PCDH11X: variants seen among roughly 807,000 people sequenced by gnomAD.
PCDH11X encodes the protein protocadherin 11 X-linked.
In PCDH11X, 18 loss-of-function variants were observed where a neutral mutation model predicts 53.3. The ratio of observed to expected loss-of-function variants is 0.34; its 90% CI spans 0.23 to 0.50. The LOEUF is 0.50. PCDH11X is among the 20% of genes least tolerant of loss of function. The pLI is 0.98. For synonymous variants in PCDH11X, 279 were observed against 393.3 expected (o/e 0.71, Z 3.44); for missense variants, 570 against 1,032.4 (o/e 0.55, Z 6.14).
chrX:92,225,113 T>C (rs1237345021), intron 7 of PCDH11X, among the ~76,000 whole-genome samples: 3 of 111,931 alleles, frequency 2.7e-5, no homozygotes, highest in Non-Finnish European at 5.6e-5. Context: ...ACATGTCAAA[T>C]ACACATTTTT....
intron 6 of PCDH11X, among the ~76,000 whole-genome samples, chrX:92,067,617 T>TAG (rs2063632732): frequency 9.0e-6 from 1 of 111,579 alleles, no homozygotes; most frequent in African/African-American, 3.3e-5. Flanking sequence ...TGTAGTTTCC[T>TAG]TTTTTTGATA....
At chrX:92,495,708 G>T (rs922663713) in intron 10 of PCDH11X, among the ~76,000 whole-genome samples, 5 of 107,761 alleles carry the variant, frequency 4.6e-5, no homozygotes, top group African/African-American at 1.4e-4. Flanking sequence ...TCACATGGCT[G>T]AGGAGGCCTC....
intron 10 of PCDH11X, among the ~76,000 whole-genome samples, chrX:92,526,614 C>G (rs1229013378): frequency 9.1e-6 from 1 of 109,350 alleles, no homozygotes; most frequent in Non-Finnish European, 1.9e-5. Context: ...GGCTTTTATC[C>G]AAAAGGCAGG....
chrX:92,496,497 G>A (rs1221753106), intron 10 of PCDH11X, among the ~76,000 whole-genome samples: 1 of 106,257 alleles, frequency 9.4e-6, no homozygotes, highest in Non-Finnish European at 1.9e-5. Context: ...ATCATTCCTA[G>A]CAGCTAGCAA....
intron 10 of PCDH11X, among the ~76,000 whole-genome samples, chrX:92,491,002 C>T (rs1348330944): frequency 9.2e-6 from 1 of 108,886 alleles, no homozygotes; most frequent in Non-Finnish European, 1.9e-5. Context: ...AAACAAGGCA[C>T]ATACTTAAGC....
At chrX:91,823,778 T>C (rs1174186405) in intron 4 of PCDH11X, among the ~76,000 whole-genome samples, 1 of 111,743 alleles carries the variant, frequency 8.9e-6, no homozygotes, top group Admixed American at 9.6e-5. Flanking sequence ...CTCGATAGTC[T>C]TTACATTTTG....
At chrX:91,780,115 G>T (rs1224913845) in intron 1 of PCDH11X, among the ~76,000 whole-genome samples, 2 of 112,021 alleles carry the variant, frequency 1.8e-5, no homozygotes, top group East Asian at 2.8e-4. Context: ...CCGGCTGAGA[G>T]ATTGGAGCTG....
Position 91,808,042 on chromosome X carries a change from C to A in PCDH11X, c.-378-1424C>A, listed in dbSNP as rs755966910. Among the ~76,000 whole-genome samples the A allele has an allele frequency of 2.4e-3, 269 of 110,584 alleles. 1 individual carries two copies. The highest frequency in any genetic ancestry group is 8.4e-3 in the African/African-American group (257 of 30,428). On this transcript the variant is annotated intron_variant, in intron 1 of 10. Coordinates refer to ENST00000682573, the MANE Select transcript of PCDH11X (RefSeq NM_032968.5). ...TTTATTTAAAATTTATTTACTCAAA[C>A]TATGGAAACATTATTCAATTCTTCC...
rs1053068148 is a variant in PCDH11X at position 91,916,545 on chromosome X, T to A, written c.3033+37272T>A. Among the ~76,000 whole-genome samples, 20 of 111,268 alleles carry A rather than the reference T, an allele frequency of 1.8e-4. No individual in the cohort carries two copies. In the South Asian group the frequency reaches 4.5e-3, roughly 25 times the overall value. On this transcript the variant is annotated intron_variant, in intron 6 of 10. Coordinates refer to ENST00000682573, the MANE Select transcript of PCDH11X (RefSeq NM_032968.5). ...TCATTCAAGGTTACTATGAACGCATTTTTGTACAAAAACTAGGAAATCTAG... is the reference window on the plus strand; with the variant it reads ...TCATTCAAGGTTACTATGAACGCATATTTGTACAAAAACTAGGAAATCTAG...
At chrX:91,813,549 T>C (rs1029284671) in intron 4 of PCDH11X, among the ~76,000 whole-genome samples, 1 of 105,501 alleles carries the variant, frequency 9.5e-6, no homozygotes, top group Non-Finnish European at 1.9e-5. Flanking sequence ...GAGAAAGATA[T>C]TTCTTAGAAG....
rs775353707 is a variant in PCDH11X, at chrX:92,493,972, C to G, written c.3367+25650C>G. ...GCTCCGTTAATTTTTATATCCCTCT[C>G]TTGCCAACAGGTTTTTTTTTTTTTA... On this transcript the variant is annotated intron_variant, in intron 10 of 10. Transcript: ENST00000682573. Among the ~76,000 whole-genome samples the G allele has an allele frequency of 3.6e-5, 4 of 109,637 alleles. No individual in the cohort carries two copies. In the East Asian group the frequency reaches 1.1e-3, roughly 31 times the overall value.
At chrX:92,028,100 TTA>T (rs1183106790) in intron 6 of PCDH11X, among the ~76,000 whole-genome samples, 2 of 103,948 alleles carry the variant, frequency 1.9e-5, no homozygotes, top group Admixed American at 1.1e-4. Flanking sequence ...CTAAATATTA[TTA>T]TTTAATTGTC....
rs192615763 is a variant in PCDH11X at position 91,850,588 on chromosome X, A to G, written c.540+14544A>G. ...TATCATCCTTTTATCATAGCAACTT[A>G]TCAATGTTACAAAACGTTTTTGTGG... On this transcript the variant is annotated intron_variant, in intron 5 of 10. Transcript: ENST00000682573. Among the ~76,000 whole-genome samples the G allele has an allele frequency of 2.1e-4, 23 of 112,116 alleles. No homozygotes were observed. The East Asian group carries it at 5.3e-3, about 26-fold the overall frequency.
intron 6 of PCDH11X, among the ~76,000 whole-genome samples, chrX:92,063,176 A>G (rs1247485720): frequency 3.3e-5 from 3 of 90,737 alleles, no homozygotes; most frequent in Non-Finnish European, 6.4e-5. Flanking sequence ...GGAACATCAC[A>G]CACCAGGCCT....
At chrX:92,102,144 G>C (rs1234140932) in intron 6 of PCDH11X, among the ~76,000 whole-genome samples, 1 of 111,284 alleles carries the variant, frequency 9.0e-6, no homozygotes, top group Admixed American at 9.6e-5. Context: ...TCCCGGCCAG[G>C]AACAACGGTA....
chrX:92,393,576 A>T (rs180957865), intron 9 of PCDH11X, among the ~76,000 whole-genome samples: 1 of 111,068 alleles, frequency 9.0e-6, no homozygotes, highest in Non-Finnish European at 1.9e-5. Flanking sequence ...AAAATTTAAA[A>T]ATTTCCTTAA....
chrX:91,953,990 A>G (rs891091225), intron 6 of PCDH11X, among the ~76,000 whole-genome samples: 9 of 110,423 alleles, frequency 8.2e-5, no homozygotes, highest in African/African-American at 2.6e-4. Context: ...TCAGGAGTAT[A>G]TTGCAGGATG....
intron 7 of PCDH11X, among the ~76,000 whole-genome samples, chrX:92,248,073 G>A (rs2067384794): frequency 8.9e-6 from 1 of 111,896 alleles, no homozygotes; most frequent in African/African-American, 3.2e-5. Context: ...CACTGAAAGT[G>A]GAAGTTCAGC....
At chrX:92,271,267 G>A (rs765361410) in intron 8 of PCDH11X, among the ~76,000 whole-genome samples, 5 of 112,036 alleles carry the variant, frequency 4.5e-5, no homozygotes, top group Admixed American at 1.9e-4. Context: ...TCTGTCTGCA[G>A]TTCCTCAAAA....
Sources: gnomAD v4.1 joint callset for allele counts (sites outside exome capture counted in the v4.1 genomes callset) on GRCh38, gnomAD v4.1.1 for gene constraint, MANE v1.5 for transcripts, NCBI Gene and HGNC (gene_info 2026-07-23, HGNC 2026-07-21) for gene names.